CELF4: variants seen among roughly 807,000 people sequenced by gnomAD.
CELF4 encodes CUG-BP- and ETR-3-like factor 4.
In CELF4, 18 loss-of-function variants were observed where a neutral mutation model predicts 59.9. That is an observed-to-expected ratio of 0.30 (90% CI 0.21 to 0.45). The LOEUF (loss-of-function observed/expected upper bound fraction) is 0.45, where lower values mean the gene tolerates loss of function less well. Among genes scored for constraint, CELF4 ranks in the 20% least tolerant of loss-of-function variants. CELF4 has a pLI of 1.00. For missense variants in CELF4, 456 were observed against 689.0 expected, an observed-to-expected ratio of 0.66 and a Z score of 3.79; for synonymous variants, 261 against 267.1, an observed-to-expected ratio of 0.98 and a Z score of 0.22.
intron 1 of CELF4, among the ~76,000 whole-genome samples, chr18:37,515,529 ACT>A (rs1439310518): frequency 6.6e-6 from 1 of 151,808 alleles, no homozygotes; most frequent in Non-Finnish European, 1.5e-5. Flanking sequence ...CAATGGTCAC[ACT>A]CTGCTTTCTT....
chr18:37,252,572 C>T (rs1162536837), intron 12 of CELF4, among the ~76,000 whole-genome samples: 1 of 151,560 alleles, frequency 6.6e-6, no homozygotes, highest in Non-Finnish European at 1.5e-5. Flanking sequence ...TGTTCCTACT[C>T]CACTCTGCAG....
chr18:37,538,782 C>A (rs979076478), intron 1 of CELF4, among the ~76,000 whole-genome samples: 5 of 152,166 alleles, frequency 3.3e-5, no homozygotes, highest in Admixed American at 2.6e-4. Context: ...CAGTTACTTA[C>A]GGGGTTCTCT....
chr18:37,337,616 T>C (rs568890032), intron 2 of CELF4, among the ~76,000 whole-genome samples: 116 of 152,328 alleles, frequency 7.6e-4, no homozygotes, highest in Admixed American at 1.3e-3. Context: ...CCTCAGTGAC[T>C]GAGGCTTCAT....
intron 1 of CELF4, among the ~76,000 whole-genome samples, chr18:37,565,044 T>C (rs2099987768): frequency 1.3e-5 from 2 of 152,038 alleles, no homozygotes; most frequent in East Asian, 1.9e-4. Flanking sequence ...CCCATCCCCA[T>C]CTTTCAGGTC....
intron 1 of CELF4, among the ~76,000 whole-genome samples, chr18:37,488,684 A>G (rs1183588015): frequency 1.3e-5 from 2 of 152,054 alleles, no homozygotes; most frequent in South Asian, 4.1e-4. Flanking sequence ...CCCAGAAAAG[A>G]CTGATAAACA....
intron 3 of CELF4, among the ~76,000 whole-genome samples, chr18:37,315,631 C>T (rs1437274768): frequency 6.6e-6 from 1 of 152,160 alleles, no homozygotes; most frequent in Non-Finnish European, 1.5e-5. Flanking sequence ...TGGAGCACCC[C>T]CCAGTGTGCC....
intron 2 of CELF4, among the ~76,000 whole-genome samples, chr18:37,484,177 G>A (rs567547378): frequency 9.2e-5 from 14 of 152,260 alleles, no homozygotes; most frequent in African/African-American, 3.4e-4. Context: ...TAAAATATCT[G>A]TCACAGTCTC....
At chr18:37,343,685 T>A (rs2098140336) in intron 2 of CELF4, among the ~76,000 whole-genome samples, 2 of 151,924 alleles carry the variant, frequency 1.3e-5, no homozygotes, top group Admixed American at 1.3e-4. Flanking sequence ...GTATTCAGAG[T>A]GGCCAGTCTG....
At chr18:37,312,121 A>G (rs1414331525) in intron 3 of CELF4, among the ~76,000 whole-genome samples, 1 of 121,344 alleles carries the variant, frequency 8.2e-6, no homozygotes, top group African/African-American at 2.9e-5. Flanking sequence ...AAAAAAAAAA[A>G]AAAAAAAAAG....
At chr18:37,441,507 A>T (rs949334487) in intron 2 of CELF4, among the ~76,000 whole-genome samples, 1 of 152,128 alleles carries the variant, frequency 6.6e-6, no homozygotes, top group South Asian at 2.1e-4. Context: ...GGAAGATATT[A>T]TTTACAGTAA....
intron 7 of CELF4, among the ~76,000 whole-genome samples, chr18:37,272,388 G>C (rs2091666428): frequency 6.6e-6 from 1 of 152,058 alleles, no homozygotes; most frequent in Non-Finnish European, 1.5e-5. Context: ...GGGGATTCGG[G>C]GGCATAACTG....
At chr18:37,457,538 G>T (rs371429563) in intron 2 of CELF4, among the ~76,000 whole-genome samples, 1 of 152,124 alleles carries the variant, frequency 6.6e-6, no homozygotes, top group Non-Finnish European at 1.5e-5. Flanking sequence ...GCCACACAAA[G>T]CCCTTGAGTT....
intron 3 of CELF4, among the ~76,000 whole-genome samples, chr18:37,280,059 C>A (rs1421615714): frequency 6.6e-6 from 1 of 152,210 alleles, no homozygotes; most frequent in African/African-American, 2.4e-5. Flanking sequence ...AGGTGCTCAT[C>A]CCAGCCCCGC....
intron 3 of CELF4, among the ~76,000 whole-genome samples, chr18:37,300,881 A>G (rs1013725472): frequency 1.3e-5 from 2 of 152,198 alleles, no homozygotes; most frequent in Non-Finnish European, 2.9e-5. Flanking sequence ...CAGCTAGTGC[A>G]AAGGCCCAGA....
chr18:37,488,752 C>T (rs1377338080), intron 1 of CELF4, among the ~76,000 whole-genome samples: 1 of 152,218 alleles, frequency 6.6e-6, no homozygotes, highest in Non-Finnish European at 1.5e-5. Flanking sequence ...CCCCTTTCCT[C>T]CCCTTCCAAT....
chr18:37,248,417 G>A (rs1395628517), intron 12 of CELF4, among the ~76,000 whole-genome samples: 1 of 152,154 alleles, frequency 6.6e-6, no homozygotes, highest in Non-Finnish European at 1.5e-5. Context: ...ACCCATAAAA[G>A]CGCCACATGG....
At chr18:37,393,450 C>T (rs1171032726) in intron 2 of CELF4, among the ~76,000 whole-genome samples, 2 of 152,214 alleles carry the variant, frequency 1.3e-5, no homozygotes, top group African/African-American at 4.8e-5. Context: ...CGGGGTGGCT[C>T]AGGTTTTCAA....
chr18:37,408,496 G>GC lies in CELF4; in HGVS notation c.369+77028_369+77029insG, dbSNP rs869309994. 6.9e-3 allele frequency among the ~76,000 whole-genome samples: 124 copies of GC among 18,102 alleles called. 2 individuals are homozygous for GC. The highest frequency in any genetic ancestry group is 0.023 in the East Asian group (1 of 44). 11.9% of individuals were successfully genotyped at this position (18,102 alleles called of 152,430 possible). On this transcript the variant is annotated intron_variant, in intron 2 of 12. Transcript: ENST00000420428. ...TTTTCCCCCTTTGGTTGGTGCCGGG[G>GC]GGGGGCGCGGTGCAGGAGGATGTGA...
rs545729974 is a variant in CELF4, at chr18:37,465,696, TG to T, written c.369+19828del. 1.9e-3 allele frequency among the ~76,000 whole-genome samples: 283 copies of T among 152,124 alleles called. 2 individuals carry two copies. Among genetic ancestry groups the T allele is most frequent in the Non-Finnish European group, 1.9e-3 (128 of 67,998 alleles). ...ATTCATAATATAAAACAGAGTGCAATGTGGATTGGAGCACTGAGCAAAAATA... is the reference window on the plus strand; with the variant it reads ...ATTCATAATATAAAACAGAGTGCAATTGGATTGGAGCACTGAGCAAAAATA... On this transcript the variant is annotated intron_variant, in intron 2 of 12. Transcript: ENST00000420428.
Sources: gnomAD v4.1 joint callset for allele counts (sites outside exome capture counted in the v4.1 genomes callset) on GRCh38, gnomAD v4.1.1 for gene constraint, MANE v1.5 for transcripts, NCBI Gene and HGNC (gene_info 2026-07-23, HGNC 2026-07-21) for gene names.